KIAA1217: variants seen among roughly 807,000 people sequenced by gnomAD.
KIAA1217 encodes sickle tail protein homolog.
Under a neutral mutation model 163.9 loss-of-function variants are expected in KIAA1217, and 88 were observed. That is an observed-to-expected ratio of 0.54 (90% CI 0.45 to 0.64). KIAA1217 has a LOEUF of 0.64. KIAA1217 is among the 30% of genes least tolerant of loss of function. KIAA1217 has a pLI of 0.00. For synonymous variants in KIAA1217, 903 were observed against 923.1 expected, an observed-to-expected ratio of 0.98 and a Z score of 0.39; for missense variants, 2,372 against 2,475.0, an observed-to-expected ratio of 0.96 and a Z score of 0.88.
chr10:23,916,293 T>C (rs1842630016), intron 1 of KIAA1217, among the ~76,000 whole-genome samples: 1 of 152,164 alleles, frequency 6.6e-6, no homozygotes, highest in South Asian at 2.1e-4. Flanking sequence ...CTTTCAAAGG[T>C]AAGTTAAGGC....
At chr10:24,286,352 A>C (rs1207783744) in intron 2 of KIAA1217, among the ~76,000 whole-genome samples, 1 of 152,120 alleles carries the variant, frequency 6.6e-6, no homozygotes, top group African/African-American at 2.4e-5. Context: ...TAGATTTTAA[A>C]AGTTAGTTCA....
rs561871421 is a variant in KIAA1217, at chr10:24,064,432, C to T, written c.-171+57058C>T. ...TTTTGTCTTTGGTTCTGTTTATATG[C>T]TGGATTACGTTTATTGATTTGCATA... On this transcript the variant is annotated intron_variant, in intron 2 of 18. Transcript: ENST00000376462. 2.7e-3 allele frequency among the ~76,000 whole-genome samples: 414 copies of T among 152,184 alleles called. 3 individuals are homozygous for T. Among genetic ancestry groups the T allele is most frequent in the African/African-American group, 9.3e-3 (387 of 41,518 alleles).
At chr10:24,142,079 T>TC (rs1398470006) in intron 2 of KIAA1217, among the ~76,000 whole-genome samples, 2 of 151,954 alleles carry the variant, frequency 1.3e-5, no homozygotes, top group South Asian at 2.1e-4. Flanking sequence ...TTTGTTTTTT[T>TC]TTTCTTTCTA....
chr10:24,288,785 G>C (rs2078810573), intron 2 of KIAA1217, among the ~76,000 whole-genome samples: 1 of 152,196 alleles, frequency 6.6e-6, no homozygotes, highest in Non-Finnish European at 1.5e-5. Context: ...TAGGGGACAT[G>C]CTTGGACATG....
At chr10:24,016,599 GTGTAGTATAT>G (rs1353157993) in intron 2 of KIAA1217, among the ~76,000 whole-genome samples, 11 of 152,058 alleles carry the variant, frequency 7.2e-5, no homozygotes, top group Non-Finnish European at 1.6e-4. Flanking sequence ...ATATTATATA[GTGTAGTATAT>G]TGTAGTATAG....
At chr10:24,091,154 G>A (rs2062190163) in intron 2 of KIAA1217, among the ~76,000 whole-genome samples, 2 of 151,804 alleles carry the variant, frequency 1.3e-5, no homozygotes, top group African/African-American at 4.9e-5. Flanking sequence ...TCCAACAACT[G>A]ACTGTGTTAT....
chr10:24,146,862 A>G (rs960672467), intron 2 of KIAA1217, among the ~76,000 whole-genome samples: 2 of 152,206 alleles, frequency 1.3e-5, no homozygotes, highest in African/African-American at 4.8e-5. Context: ...GGAGAGGAAG[A>G]GAAAGTCAAA....
At chr10:24,080,909 T>C (rs976308663) in intron 2 of KIAA1217, among the ~76,000 whole-genome samples, 21 of 150,902 alleles carry the variant, frequency 1.4e-4, no homozygotes, top group Admixed American at 1.2e-3. Context: ...TTACTGAGAT[T>C]ATTGTACTTT....
chr10:24,217,547 T>G (rs1461036413), intron 1 of KIAA1217, among the ~76,000 whole-genome samples: 1 of 152,204 alleles, frequency 6.6e-6, no homozygotes, highest in African/African-American at 2.4e-5. Context: ...AAAACCAGCC[T>G]GAGATGAAAA....
intron 2 of KIAA1217, among the ~76,000 whole-genome samples, chr10:24,055,153 G>A (rs573383439): frequency 1.3e-4 from 20 of 152,270 alleles, no homozygotes; most frequent in African/African-American, 4.8e-4. Context: ...TGTACTTTCA[G>A]CTACTCGGGA....
intron 1 of KIAA1217, among the ~76,000 whole-genome samples, chr10:23,936,387 T>G (rs558301499): frequency 6.6e-6 from 1 of 152,186 alleles, no homozygotes; most frequent in Non-Finnish European, 1.5e-5. Context: ...ACAAGAGATA[T>G]GTCTAGGTTC....
rs575554473 is a variant in KIAA1217, at chr10:24,271,822, C to T, written c.354+51913C>T. Among the ~76,000 whole-genome samples the T allele has an allele frequency of 9.4e-4, 143 of 151,832 alleles. 1 individual carries two copies. The highest frequency in any genetic ancestry group is 3.2e-3 in the African/African-American group (131 of 41,432). On this transcript the variant is annotated intron_variant, in intron 2 of 20. Coordinates refer to ENST00000376454, the MANE Select transcript of KIAA1217 (RefSeq NM_019590.5). Reference sequence around the variant, plus strand: ...CCTTTTAATAAACTTTCCCCCTGTACGCAGCCCATTCTAGCTATATATATT... The same window carrying T: ...CCTTTTAATAAACTTTCCCCCTGTATGCAGCCCATTCTAGCTATATATATT...
chr10:23,695,582 C>T lies in KIAA1217; in HGVS notation c.-321+348C>T, dbSNP rs1387531318. On this transcript the variant is annotated intron_variant, in intron 1 of 18. Transcript: ENST00000376462. The surrounding 1 kb of genome is among the most constrained non-coding windows in gnomAD (Gnocchi z 4.9). ...ACCTTGGCGTGCCCCCCTGGAGTGG[C>T]GAGCCAGGGGCTTATATAGGTGCGA... 2.0e-5 allele frequency among the ~76,000 whole-genome samples: 3 copies of T among 152,090 alleles called. No individual in the cohort carries two copies. Among genetic ancestry groups the T allele is most frequent in the Non-Finnish European group, 4.4e-5 (3 of 68,016 alleles).
intron 1 of KIAA1217, among the ~76,000 whole-genome samples, chr10:23,963,689 A>G (rs1454649692): frequency 6.6e-6 from 1 of 152,164 alleles, no homozygotes; most frequent in Non-Finnish European, 1.5e-5. Flanking sequence ...AGGAATTGCC[A>G]CAGTGTCTTC....
chr10:23,843,954 T>G (rs923327333), intron 1 of KIAA1217, among the ~76,000 whole-genome samples: 1 of 152,188 alleles, frequency 6.6e-6, no homozygotes, highest in African/African-American at 2.4e-5. Context: ...TAGTGGTGTA[T>G]GGAGTCCACC....
chr10:23,966,544 T>TG (rs1240418105), intron 1 of KIAA1217, among the ~76,000 whole-genome samples: 5 of 152,186 alleles, frequency 3.3e-5, no homozygotes, highest in Non-Finnish European at 7.3e-5. Context: ...TCCCCTGCCC[T>TG]GCCCTGCAGT....
At chr10:23,986,278 A>T (rs866659683) in intron 1 of KIAA1217, among the ~76,000 whole-genome samples, 6 of 152,354 alleles carry the variant, frequency 3.9e-5, no homozygotes, top group Middle Eastern at 3.4e-3. Flanking sequence ...GAGACACTGA[A>T]CGCAAACTTC....
chr10:24,432,115 G>A (rs992184129), intron 3 of KIAA1217, among the ~76,000 whole-genome samples: 3 of 138,978 alleles, frequency 2.2e-5, no homozygotes, highest in South Asian at 2.3e-4. Flanking sequence ...ATTAAGTATC[G>A]TCCTTTTTTT....
chr10:24,143,927 C>T (rs147539983), intron 2 of KIAA1217, among the ~76,000 whole-genome samples: 4 of 152,106 alleles, frequency 2.6e-5, no homozygotes, highest in Non-Finnish European at 5.9e-5. Context: ...GAGTTATGGG[C>T]ATGGCAGACA....
Sources: gnomAD v4.1 joint callset for allele counts (sites outside exome capture counted in the v4.1 genomes callset) on GRCh38, gnomAD v4.1.1 for gene constraint, Gnocchi (gnomAD v3.1) non-coding constraint, MANE v1.5 for transcripts, NCBI Gene and HGNC (gene_info 2026-07-23, HGNC 2026-07-21) for gene names.